Variants in TANGO6 observed in about 807,000 individuals in gnomAD.
TANGO6 encodes transport and golgi organization 6 homolog, also known as transport and Golgi organization protein 6 homolog.
Under a neutral mutation model 114.2 loss-of-function variants are expected in TANGO6, and 90 were observed. That is an observed-to-expected ratio of 0.79 (90% CI 0.66 to 0.94). The LOEUF (loss-of-function observed/expected upper bound fraction) is 0.94. Among genes scored for constraint, TANGO6 ranks in the 40% least tolerant of loss-of-function variants. The pLI is 0.00. For missense variants in TANGO6, 1,274 were observed against 1,315.3 expected, an observed-to-expected ratio of 0.97 and a Z score of 0.49; for synonymous variants, 477 against 509.8, an observed-to-expected ratio of 0.94 and a Z score of 0.87.
intron 15 of TANGO6, among the ~76,000 whole-genome samples, chr16:68,979,758 C>T (rs957484604): frequency 4.6e-5 from 7 of 151,610 alleles, no homozygotes; most frequent in East Asian, 1.9e-4. Flanking sequence ...GTTAAGATTC[C>T]GTGTATGTGG....
At chr16:68,979,887 C>G (rs560761889) in intron 15 of TANGO6, among the ~76,000 whole-genome samples, 8 of 150,988 alleles carry the variant, frequency 5.3e-5, no homozygotes, top group Non-Finnish European at 7.4e-5. Context: ...CTCTGTCACC[C>G]AGGCTGGAGT....
chr16:68,875,395 T>A, intron 5 of TANGO6, 105 bp downstream of exon 5: 4 of 1,349,754 alleles, frequency 3.0e-6, no homozygotes, highest in African/African-American at 2.9e-5. Context: ...GTATAATATT[T>A]AAGTTTATTG....
At chr16:68,899,193 G>A (rs1567534899) in intron 7 of TANGO6, among the ~76,000 whole-genome samples, 1 of 151,972 alleles carries the variant, frequency 6.6e-6, no homozygotes, top group Admixed American at 6.6e-5. Flanking sequence ...AATATCACTC[G>A]AGCTTGGAGA....
At chr16:68,965,878 GTTTC>G (rs146672522) in intron 14 of TANGO6, among the ~76,000 whole-genome samples, 13,190 of 152,078 alleles carry the variant, frequency 0.087, 649 homozygotes, top group African/African-American at 0.13. Context: ...TTTTCTTATA[GTTTC>G]TTAATAACAA....
chr16:68,927,288 T>C (rs1193710352), intron 12 of TANGO6, among the ~76,000 whole-genome samples: 3 of 152,208 alleles, frequency 2.0e-5, no homozygotes, highest in African/African-American at 7.2e-5. Context: ...TCCACCTGTT[T>C]AAAATGTAGA....
intron 14 of TANGO6, among the ~76,000 whole-genome samples, chr16:68,963,288 A>G (rs1203488883): frequency 1.3e-5 from 2 of 151,974 alleles, no homozygotes; most frequent in Non-Finnish European, 2.9e-5. Flanking sequence ...CGCCTGGCTA[A>G]TTTGTGTATG....
chr16:68,861,281 G>A (rs766907575), intron 2 of TANGO6, among the ~76,000 whole-genome samples: 7 of 152,252 alleles, frequency 4.6e-5, no homozygotes, highest in African/African-American at 1.4e-4. Context: ...GGGTCAGTGC[G>A]GCCCCCAGGC....
intron 13 of TANGO6, among the ~76,000 whole-genome samples, chr16:68,929,484 G>A (rs767698271): frequency 1.3e-5 from 2 of 152,034 alleles, no homozygotes; most frequent in Admixed American, 6.6e-5. Flanking sequence ...TAGGCTCTCC[G>A]TACATACTTC....
At chr16:69,031,854 G>A (rs1382038656) in intron 16 of TANGO6, among the ~76,000 whole-genome samples, 1 of 151,692 alleles carries the variant, frequency 6.6e-6, no homozygotes. Flanking sequence ...GTAGAGATGG[G>A]GTTTCACCAT....
At chr16:69,038,516 T>C (rs958388758) in intron 16 of TANGO6, among the ~76,000 whole-genome samples, 1 of 151,878 alleles carries the variant, frequency 6.6e-6, no homozygotes, top group African/African-American at 2.4e-5. Flanking sequence ...CTTTCAAAAA[T>C]TTTTTTTTCT....
intron 15 of TANGO6, among the ~76,000 whole-genome samples, chr16:68,996,104 A>G (rs187575798): frequency 1.3e-5 from 2 of 152,328 alleles, no homozygotes; most frequent in East Asian, 3.9e-4. Flanking sequence ...ATAAAGGGCT[A>G]TGTGAGGAGG....
At position 68,923,207 on chromosome 16, in the gene TANGO6, T is replaced by C. The variant is rs144819250; in HGVS notation, c.2127+3988T>C. Among the ~76,000 whole-genome samples, 470 of 151,608 alleles carry C rather than the reference T, an allele frequency of 3.1e-3. 4 individuals carry two copies. The highest frequency in any genetic ancestry group is 0.011 in the African/African-American group (447 of 41,348). On this transcript the variant is annotated intron_variant, in intron 12 of 17. Coordinates refer to ENST00000261778, the MANE Select transcript of TANGO6 (RefSeq NM_024562.2). The stretch of plus-strand genomic sequence containing the variant: ...TCCTGACCTCAGGTGATCTGCCCGC[T>C]TCCGCCTCCCAAAGCGCCGGGATTA...
At chr16:69,066,558 A>G (rs1019318341) in intron 17 of TANGO6, among the ~76,000 whole-genome samples, 5 of 152,064 alleles carry the variant, frequency 3.3e-5, no homozygotes, top group African/African-American at 1.2e-4. Context: ...TGGCCTCCCA[A>G]AGTGCTGGGA....
intron 7 of TANGO6, among the ~76,000 whole-genome samples, chr16:68,891,383 C>A (rs898350584): frequency 1.3e-5 from 2 of 150,146 alleles, no homozygotes; most frequent in South Asian, 2.1e-4. Context: ...TCACCTGAAC[C>A]GGGGAGGCGG....
chr16:68,962,597 A>T lies in TANGO6; in HGVS notation c.2702-11431A>T, dbSNP rs117494334. 9.6e-3 allele frequency among the ~76,000 whole-genome samples: 1,463 copies of T among 152,256 alleles called. 9 individuals are homozygous for T. The highest frequency in any genetic ancestry group is 0.045 in the Middle Eastern group (13 of 292). ...ACCAACATGAAGAAACCTTTTCTTT[A>T]CTAAAAATACAAAATTAGCCAGGCA... is the stretch of plus-strand genomic sequence containing the variant. On this transcript the variant is annotated intron_variant, in intron 14 of 17. Transcript: ENST00000261778.
At chr16:69,070,563 G>A (rs1479671474) in intron 17 of TANGO6, among the ~76,000 whole-genome samples, 1 of 149,930 alleles carries the variant, frequency 6.7e-6, no homozygotes, top group Non-Finnish European at 1.5e-5. Context: ...AACCTGGGAG[G>A]CAGAGGTTGC....
intron 14 of TANGO6, among the ~76,000 whole-genome samples, chr16:68,968,191 G>A (rs1158048681): frequency 1.3e-5 from 2 of 151,446 alleles, no homozygotes; most frequent in Non-Finnish European, 2.9e-5. Context: ...TCAGCCTCCC[G>A]AATAGCTGGG....
In TANGO6 at chr16:68,990,197, G is replaced by A. The variant is rs190431692; in HGVS notation, c.2842+16029G>A. On this transcript the variant is annotated intron_variant, in intron 15 of 17. Coordinates refer to ENST00000261778, the MANE Select transcript of TANGO6 (RefSeq NM_024562.2). ...ACAGGCATGCACCATTACACCTGGC[G>A]TATTAGTCTGTTCTCCCGCTGCTAA... Among the ~76,000 whole-genome samples, 75 of 151,936 alleles carry A rather than the reference G, an allele frequency of 4.9e-4. No homozygotes were observed. In the East Asian group the frequency reaches 7.4e-3, roughly 15 times the overall value.
intron 16 of TANGO6, among the ~76,000 whole-genome samples, chr16:69,039,661 A>G (rs28399671): frequency 0.17 from 25,196 of 152,140 alleles, 2,193 homozygotes; most frequent in Non-Finnish European, 0.19. Flanking sequence ...AAACAGAAAA[A>G]ATACGTAAAG....
Sources: gnomAD v4.1 joint callset for allele counts (sites outside exome capture counted in the v4.1 genomes callset) on GRCh38, gnomAD v4.1.1 for gene constraint, MANE v1.5 for transcripts, NCBI Gene and HGNC (gene_info 2026-07-23, HGNC 2026-07-21) for gene names.